Variants in TULP4 observed in about 807,000 individuals in gnomAD.
TULP4 encodes TUB like protein 4.
Under a neutral mutation model 129.0 loss-of-function variants are expected in TULP4, and 16 were observed. The observed-to-expected ratio is 0.12, with a 90% CI of 0.08 to 0.19. The LOEUF (loss-of-function observed/expected upper bound fraction) is 0.19, where lower values mean the gene tolerates loss of function less well. TULP4 is among the 10% of genes least tolerant of loss of function. The pLI is 1.00. For missense variants in TULP4, 1,842 were observed against 2,059.1 expected (o/e 0.89, Z 2.04); for synonymous variants, 998 against 854.0 (o/e 1.17, Z -2.94).
chr6:158,384,763 G>C (rs1422576905), intron 1 of TULP4, among the ~76,000 whole-genome samples: 1 of 152,186 alleles, frequency 6.6e-6, no homozygotes, highest in Non-Finnish European at 1.5e-5. Flanking sequence ...CCTCAGACCT[G>C]AACTCGCCCT....
At chr6:158,240,929 A>G (rs1315706928) in intron 1 of TULP4, among the ~76,000 whole-genome samples, 1 of 146,334 alleles carries the variant, frequency 6.8e-6, no homozygotes, top group African/African-American at 2.5e-5. Flanking sequence ...TGCCGGGCGG[A>G]GAGGCTCCTC....
chr6:158,238,176 C>A, intron 1 of TULP4: 3 of 782,054 alleles, frequency 3.8e-6, no homozygotes, highest in Non-Finnish European at 7.0e-6. Context: ...GAAATATTCT[C>A]TTGAGAAATT....
At chr6:158,400,523 T>G (rs1777817689) in intron 1 of TULP4, among the ~76,000 whole-genome samples, 1 of 152,168 alleles carries the variant, frequency 6.6e-6, no homozygotes, top group Non-Finnish European at 1.5e-5. Context: ...TTGATAATTT[T>G]ATTTTTTTGG....
At chr6:158,470,760 G>A (rs1779662674) in intron 6 of TULP4, among the ~76,000 whole-genome samples, 1 of 152,192 alleles carries the variant, frequency 6.6e-6, no homozygotes, top group African/African-American at 2.4e-5. Flanking sequence ...AAGTCACATG[G>A]TAAAAGATTT....
At chr6:158,457,301 A>G (rs183430219) in intron 5 of TULP4, among the ~76,000 whole-genome samples, 14 of 152,312 alleles carry the variant, frequency 9.2e-5, no homozygotes, top group African/African-American at 3.4e-4. Context: ...TGTGCAAAAG[A>G]ACCTAGAATT....
Position 158,511,286 on chromosome 6 carries a change from A to G in TULP4, c.*4592A>G, listed in dbSNP as rs1780735062. 6.6e-6 allele frequency: 1 copy of G among 152,578 alleles called. No homozygotes were observed. Among genetic ancestry groups the G allele is most frequent in the South Asian group, 2.1e-4 (1 of 4,834 alleles). The allele number at this position is 152,578 out of a possible 1,614,324, so 9.5% of individuals were successfully genotyped here. Reference sequence around the variant, plus strand: ...GACTGAAAAAGACACTGTATTATTTACCAAAGGGGTATTGTTTTTGCATTT... The same window carrying G: ...GACTGAAAAAGACACTGTATTATTTGCCAAAGGGGTATTGTTTTTGCATTT... On this transcript the variant is annotated 3_prime_UTR_variant, in exon 14 of 14. Transcript: ENST00000367097.
chr6:158,391,618 C>G (rs1777586872), intron 1 of TULP4, among the ~76,000 whole-genome samples: 1 of 152,120 alleles, frequency 6.6e-6, no homozygotes, highest in Non-Finnish European at 1.5e-5. Flanking sequence ...CGTTTCATAC[C>G]TAGTGTCATA....
chr6:158,478,087 A>G (rs892415944), intron 6 of TULP4, among the ~76,000 whole-genome samples: 1 of 152,084 alleles, frequency 6.6e-6, no homozygotes, highest in Admixed American at 6.6e-5. Flanking sequence ...AAGGGGAACA[A>G]CTTGAGGGTG....
chr6:158,392,502 T>C (rs1777605973), intron 1 of TULP4, among the ~76,000 whole-genome samples: 1 of 152,330 alleles, frequency 6.6e-6, no homozygotes, highest in South Asian at 2.1e-4. Flanking sequence ...CATCTCTGAT[T>C]CTCCCGGCTT....
intron 1 of TULP4, among the ~76,000 whole-genome samples, chr6:158,314,794 G>A (rs1269578954): frequency 6.6e-6 from 1 of 152,134 alleles, no homozygotes; most frequent in African/African-American, 2.4e-5. Context: ...AGTAGTTAAT[G>A]GACAAAAACC....
intron 12 of TULP4, among the ~76,000 whole-genome samples, chr6:158,500,095 G>T (rs1415262064): frequency 1.3e-5 from 2 of 152,134 alleles, no homozygotes; most frequent in East Asian, 3.9e-4. Context: ...CGCTTTCCCT[G>T]TTCTCCCAAA....
intron 2 of TULP4, among the ~76,000 whole-genome samples, chr6:158,422,392 TG>T (rs1778365566): frequency 6.6e-6 from 1 of 152,180 alleles, no homozygotes; most frequent in African/African-American, 2.4e-5. Flanking sequence ...CTGAAACAAC[TG>T]AATATCTGTA....
At chr6:158,240,222 C>T (rs1308135243) in intron 1 of TULP4, among the ~76,000 whole-genome samples, 2 of 66,234 alleles carry the variant, frequency 3.0e-5, no homozygotes, top group South Asian at 5.7e-4. Context: ...GGGGGGCTGA[C>T]CCCCCCACCT....
intron 3 of TULP4, among the ~76,000 whole-genome samples, chr6:158,433,235 T>C (rs985580739): frequency 7.2e-5 from 11 of 152,196 alleles, no homozygotes; most frequent in African/African-American, 2.4e-4. Flanking sequence ...TGTTTACTTA[T>C]AGTATCATTT....
intron 13 of TULP4, among the ~76,000 whole-genome samples, chr6:158,505,448 C>T (rs748280192): frequency 1.4e-4 from 22 of 152,184 alleles, no homozygotes; most frequent in Admixed American, 1.3e-3. Flanking sequence ...CTGTGTTGGC[C>T]GGACAACAGC....
At chr6:158,350,945 G>A (rs908226259) in intron 1 of TULP4, among the ~76,000 whole-genome samples, 2 of 152,008 alleles carry the variant, frequency 1.3e-5, no homozygotes, top group African/African-American at 4.8e-5. Flanking sequence ...GTAGAGATAG[G>A]GTTTCACCAT....
rs1226179660 is a variant in TULP4 at position 158,502,262 on chromosome 6, A to G, written c.2599A>G (p.Lys867Glu). ...PQPPVDVCLK[K>E]GDFSLYPTSV... ...GCCCCCAGTGGATGTGTGCTTGAAG[A>G]AGGGCGACTTCTCCCTCTACCCCAC... The change falls in exon 13 of 14, where the codon AAG (lysine) becomes GAG (glutamate). Residue 867 changes from lysine to glutamate, a missense_variant. This residue lies in a region of TULP4 where 1,089 missense variants were observed against 987.1 expected (regional missense o/e 1.10). Coordinates refer to ENST00000367097, the MANE Select transcript of TULP4 (RefSeq NM_020245.5). 2.5e-6 allele frequency: 4 copies of G among 1,582,936 alleles called. No homozygotes were observed. Among genetic ancestry groups the G allele is most frequent in the African/African-American group, 1.4e-5 (1 of 72,538 alleles).
chr6:158,382,652 C>T (rs996553273), intron 1 of TULP4, among the ~76,000 whole-genome samples: 1 of 152,142 alleles, frequency 6.6e-6, no homozygotes, highest in African/African-American at 2.4e-5. Flanking sequence ...ATAAGGTTGA[C>T]CTCACAGGTG....
Position 158,483,089 on chromosome 6 carries a change from G to C in TULP4, c.1486+1800G>C, listed in dbSNP as rs536163071. On this transcript the variant is annotated intron_variant, in intron 8 of 13. Coordinates refer to ENST00000367097, the MANE Select transcript of TULP4 (RefSeq NM_020245.5). ...CTTGTGTGGGGTACTTGAGTCTCCT[G>C]CTATTATTAAGTAATACCAGGTCAT... Among the ~76,000 whole-genome samples, 153 of 152,312 alleles carry C rather than the reference G, an allele frequency of 1.0e-3. 1 individual carries two copies. The South Asian group carries it at 0.024, about 24-fold the overall frequency.
Sources: allele counts gnomAD v4.1 joint callset (sites outside exome capture counted in the v4.1 genomes callset), GRCh38; gene constraint gnomAD v4.1.1; regional missense constraint gnomAD v4.1.1; transcripts MANE v1.5; gene names NCBI Gene and HGNC (gene_info 2026-07-23, HGNC 2026-07-21).